The following SND1 variants were observed in gnomAD, a reference collection of about 807,000 sequenced individuals.
SND1 encodes the protein staphylococcal nuclease domain-containing protein 1.
A neutral mutation model predicts 121.7 loss-of-function variants in SND1; 38 were observed. That is an observed-to-expected ratio of 0.31 (90% CI 0.24 to 0.41). The LOEUF (loss-of-function observed/expected upper bound fraction) is 0.41. Among genes scored for constraint, SND1 ranks in the 10% least tolerant of loss-of-function variants. The probability of loss-of-function intolerance (pLI) is 1.00; values close to 1 mark genes in which losing one functional copy is unlikely to be tolerated. For missense variants in SND1, 868 were observed against 1,184.6 expected (o/e 0.73, Z 3.92); for synonymous variants, 401 against 447.4 (o/e 0.90, Z 1.31).
At chr7:127,998,066 T>C (rs1264940532) in intron 16 of SND1, 1 of 497,150 alleles carries the variant, frequency 2.0e-6, no homozygotes, top group Non-Finnish European at 4.2e-6. Context: ...GTTTTGTCTT[T>C]GTACTCCAGT....
At chr7:127,999,596 G>A (rs373440368) in intron 16 of SND1, 4 of 152,038 alleles carry the variant, frequency 2.6e-5, no homozygotes, top group East Asian at 3.9e-4. Flanking sequence ...CTGCTAGAAG[G>A]GTCCACAGTA....
intron 12 of SND1, among the ~76,000 whole-genome samples, chr7:127,851,815 G>T (rs1799169177): frequency 6.6e-6 from 1 of 152,040 alleles, no homozygotes; most frequent in Admixed American, 6.6e-5. Context: ...CTTAGTTTAT[G>T]AATACAATTT....
chr7:127,801,824 G>A (rs556949514), intron 10 of SND1, among the ~76,000 whole-genome samples: 6 of 152,062 alleles, frequency 3.9e-5, no homozygotes, highest in Admixed American at 1.3e-4. Flanking sequence ...CAGCCTCCGC[G>A]TGGTCAAAAA....
Position 128,029,645 on chromosome 7 carries a change from G to A in SND1, c.1779+38589G>A. 2 of 1,613,992 alleles carry A rather than the reference G, an allele frequency of 1.2e-6. No individual in the cohort carries two copies. The highest frequency in any genetic ancestry group is 2.2e-5 in the East Asian group (1 of 44,880). ...CGAGGTAGCGGCCTCGCATGTGCAT[G>A]GGAGCATGACAGCGGCCACAGCAGG... On this transcript the variant is annotated intron_variant, in intron 16 of 23. Coordinates refer to ENST00000354725, the MANE Select transcript of SND1 (RefSeq NM_014390.4). The surrounding 1 kb of genome is among the most constrained non-coding windows in gnomAD (Gnocchi z 4.2).
At chr7:127,959,267 A>T (rs1187950819) in intron 15 of SND1, among the ~76,000 whole-genome samples, 1 of 152,162 alleles carries the variant, frequency 6.6e-6, no homozygotes, top group Non-Finnish European at 1.5e-5. Context: ...CCAGATCCCT[A>T]TCATCATGGC....
At chr7:128,051,376 C>T (rs1176760406) in intron 16 of SND1, among the ~76,000 whole-genome samples, 1 of 152,136 alleles carries the variant, frequency 6.6e-6, no homozygotes, top group African/African-American at 2.4e-5. Flanking sequence ...GAGATGGCCA[C>T]AAGTCCCATG....
At chr7:127,788,940 T>G (rs1299291918) in intron 10 of SND1, among the ~76,000 whole-genome samples, 1 of 152,198 alleles carries the variant, frequency 6.6e-6, no homozygotes, top group Non-Finnish European at 1.5e-5. Flanking sequence ...TTCCCTCTGT[T>G]CTTATAGTAC....
intron 11 of SND1, among the ~76,000 whole-genome samples, chr7:127,830,110 C>T (rs938625793): frequency 2.6e-5 from 4 of 151,626 alleles, no homozygotes; most frequent in Middle Eastern, 3.2e-3. Flanking sequence ...TGGCCGGGTG[C>T]GGTGGCTCAT....
chr7:127,964,377 T>C (rs1801807953), intron 15 of SND1, among the ~76,000 whole-genome samples: 2 of 146,472 alleles, frequency 1.4e-5, no homozygotes, highest in Non-Finnish European at 1.5e-5. Context: ...CTAGGGTTTT[T>C]ATGGTTTTAG....
chr7:127,753,158 G>A (rs1424900068), intron 10 of SND1, among the ~76,000 whole-genome samples: 2 of 152,266 alleles, frequency 1.3e-5, no homozygotes, highest in South Asian at 2.1e-4. Flanking sequence ...GCCTGCTCTT[G>A]GATAATGAAT....
At chr7:127,767,976 C>T (rs2116491866) in intron 10 of SND1, among the ~76,000 whole-genome samples, 1 of 152,312 alleles carries the variant, frequency 6.6e-6, no homozygotes, top group South Asian at 2.1e-4. Context: ...AGACTAGGCA[C>T]CATCTGAAGC....
At chr7:127,929,570 C>A (rs955723924) in intron 15 of SND1, among the ~76,000 whole-genome samples, 1 of 152,228 alleles carries the variant, frequency 6.6e-6, no homozygotes, top group Non-Finnish European at 1.5e-5. Context: ...GAGCAACTTG[C>A]AAGCACGCAG....
At chr7:128,076,209 G>A (rs1357256217) in intron 17 of SND1, among the ~76,000 whole-genome samples, 1 of 152,294 alleles carries the variant, frequency 6.6e-6, no homozygotes, top group East Asian at 1.9e-4. Flanking sequence ...GAGATGGAAG[G>A]GTGGGTTCCC....
intron 10 of SND1, among the ~76,000 whole-genome samples, chr7:127,759,063 T>TAGATAGATAGATAGAG (rs1797250759): frequency 6.7e-6 from 1 of 149,260 alleles, no homozygotes; most frequent in African/African-American, 2.5e-5. Flanking sequence ...CAAAAATAGA[T>TAGATAGATAGATAGAG]AGATAGATAG....
At chr7:128,017,939 C>T (rs1016488236) in intron 16 of SND1, among the ~76,000 whole-genome samples, 2 of 152,222 alleles carry the variant, frequency 1.3e-5, no homozygotes, top group Admixed American at 6.5e-5. Flanking sequence ...AGCTTTTCTG[C>T]TTTACTCTGG....
chr7:127,838,228 A>G (rs1798901622), intron 11 of SND1, among the ~76,000 whole-genome samples: 1 of 152,154 alleles, frequency 6.6e-6, no homozygotes, highest in Non-Finnish European at 1.5e-5. Context: ...ACTGGTGGAA[A>G]AGGTTGTTTA....
chr7:127,801,199 A>G (rs1409805128), intron 10 of SND1, among the ~76,000 whole-genome samples: 1 of 152,226 alleles, frequency 6.6e-6, no homozygotes, highest in African/African-American at 2.4e-5. Context: ...AAAGTGCCAA[A>G]GTATTTAACC....
At chr7:127,796,669 A>C (rs564659874) in intron 10 of SND1, among the ~76,000 whole-genome samples, 1 of 152,256 alleles carries the variant, frequency 6.6e-6, no homozygotes, top group South Asian at 2.1e-4. Context: ...AGATGCTGTA[A>C]AACTTAAGCT....
chr7:127,861,228 C>G (rs184318366), intron 12 of SND1, among the ~76,000 whole-genome samples: 498 of 152,248 alleles, frequency 3.3e-3, no homozygotes, highest in Non-Finnish European at 5.4e-3. Flanking sequence ...AGAATTATAT[C>G]ATTTGGTCTT....
Sources: gnomAD v4.1 joint callset for allele counts (sites outside exome capture counted in the v4.1 genomes callset) on GRCh38, gnomAD v4.1.1 for gene constraint, Gnocchi (gnomAD v3.1) non-coding constraint, MANE v1.5 for transcripts, NCBI Gene and HGNC (gene_info 2026-07-23, HGNC 2026-07-21) for gene names.